The following ANKS1A variants were observed in gnomAD, a reference collection of about 807,000 sequenced individuals.
ANKS1A encodes the protein ankyrin repeat and sterile alpha motif domain containing 1A, also known as ankyrin repeat and SAM domain-containing protein 1A.
ANKS1A carries 55 observed loss-of-function variants against 120.3 expected under a neutral mutation model. That is an observed-to-expected ratio of 0.46 (90% CI 0.37 to 0.57). The LOEUF is 0.57. Among genes scored for constraint, ANKS1A ranks in the 20% least tolerant of loss-of-function variants. The pLI is 0.00. For synonymous variants in ANKS1A, 590 were observed against 604.7 expected (o/e 0.98, Z 0.36); for missense variants, 1,123 against 1,480.3 (o/e 0.76, Z 3.96).
chr6:34,945,362 G>A (rs1378379144), intron 1 of ANKS1A, among the ~76,000 whole-genome samples: 1 of 152,200 alleles, frequency 6.6e-6, no homozygotes, highest in African/African-American at 2.4e-5. Flanking sequence ...ACAGGTGTGA[G>A]CCACCGCACC....
intron 1 of ANKS1A, among the ~76,000 whole-genome samples, chr6:34,923,080 A>T (rs1237197239): frequency 6.6e-6 from 1 of 152,232 alleles, no homozygotes; most frequent in Non-Finnish European, 1.5e-5. Context: ...AGACGTCTAG[A>T]AAGACTACGA....
chr6:34,959,420 C>T (rs1770525627), intron 1 of ANKS1A, among the ~76,000 whole-genome samples: 1 of 151,610 alleles, frequency 6.6e-6, no homozygotes, highest in South Asian at 2.1e-4. Flanking sequence ...ACCCTGGTGG[C>T]CCTGGGCCAA....
intron 1 of ANKS1A, among the ~76,000 whole-genome samples, chr6:34,967,001 A>G (rs1489118043): frequency 1.3e-5 from 2 of 152,218 alleles, no homozygotes; most frequent in Non-Finnish European, 2.9e-5. Flanking sequence ...CAGACTCTTA[A>G]GCGATGACAC....
intron 10 of ANKS1A, among the ~76,000 whole-genome samples, chr6:35,005,294 C>CA (rs1773392262): frequency 6.6e-6 from 1 of 152,052 alleles, no homozygotes; most frequent in Non-Finnish European, 1.5e-5. Context: ...CCATGTTAAG[C>CA]AAAAAACGTG....
At chr6:35,021,002 G>A (rs1365071420) in intron 11 of ANKS1A, among the ~76,000 whole-genome samples, 1 of 152,186 alleles carries the variant, frequency 6.6e-6, no homozygotes, top group Non-Finnish European at 1.5e-5. Context: ...ACATTAACAG[G>A]GCCCTTTATG....
intron 1 of ANKS1A, among the ~76,000 whole-genome samples, chr6:34,899,803 T>G (rs1333081834): frequency 6.6e-6 from 1 of 152,224 alleles, no homozygotes; most frequent in Non-Finnish European, 1.5e-5. Flanking sequence ...CTTCCTCTGA[T>G]CCAGCCTGGT....
intron 13 of ANKS1A, among the ~76,000 whole-genome samples, chr6:35,063,062 C>G (rs1776596359): frequency 6.6e-6 from 1 of 152,196 alleles, no homozygotes; most frequent in Non-Finnish European, 1.5e-5. Context: ...GCAACTTGAA[C>G]TTTATCCACA....
Position 35,018,038 on chromosome 6 carries a change from C to G in ANKS1A, c.1989C>G (p.Ser663=). ...IGKKRLEKSP[S]FASEWDEIEK... is the part of the protein sequence containing the mutation. ...AGAAAAGGCTAGAGAAGTCACCCTCCTTCGCCTCGGAGTGGGATGAGGTAA... is the reference window on the plus strand; with the variant it reads ...AGAAAAGGCTAGAGAAGTCACCCTCGTTCGCCTCGGAGTGGGATGAGGTAA... The change falls in exon 11 of 24, where the codon TCC becomes TCG. Residue 663 remains serine (S), a synonymous_variant. Coordinates refer to ENST00000360359, the MANE Select transcript of ANKS1A (RefSeq NM_015245.3). 1 of 1,613,760 alleles carries G rather than the reference C, an allele frequency of 6.2e-7. No homozygotes were observed. The highest frequency in any genetic ancestry group is 8.5e-7 in the Non-Finnish European group (1 of 1,179,930).
intron 1 of ANKS1A, among the ~76,000 whole-genome samples, chr6:34,955,430 C>A (rs1171357794): frequency 6.6e-6 from 1 of 152,196 alleles, no homozygotes; most frequent in Non-Finnish European, 1.5e-5. Flanking sequence ...AGCCACCACG[C>A]CTGGCCATTT....
intron 10 of ANKS1A, among the ~76,000 whole-genome samples, chr6:34,998,360 G>A (rs1772963104): frequency 6.6e-6 from 1 of 152,148 alleles, no homozygotes; most frequent in Admixed American, 6.5e-5. Context: ...TGTGAGGGTG[G>A]TGAGGGAAGA....
chr6:34,996,209 A>T (rs1772847881), intron 10 of ANKS1A, among the ~76,000 whole-genome samples: 1 of 152,186 alleles, frequency 6.6e-6, no homozygotes, highest in African/African-American at 2.4e-5. Context: ...TTGAGCATTG[A>T]TTAATGTGAT....
At chr6:34,952,103 T>C (rs779557296) in intron 1 of ANKS1A, among the ~76,000 whole-genome samples, 2 of 152,228 alleles carry the variant, frequency 1.3e-5, no homozygotes, top group Non-Finnish European at 2.9e-5. Flanking sequence ...TTAAACCCAA[T>C]GTCACCCTTT....
chr6:35,031,725 T>G (rs1029002326), intron 11 of ANKS1A, among the ~76,000 whole-genome samples: 2 of 152,172 alleles, frequency 1.3e-5, no homozygotes, highest in African/African-American at 4.8e-5. Flanking sequence ...TTATCCTCCC[T>G]TGACTAAAAA....
chr6:34,974,805 T>A (rs990855689), intron 3 of ANKS1A, among the ~76,000 whole-genome samples: 1 of 152,198 alleles, frequency 6.6e-6, no homozygotes, highest in Non-Finnish European at 1.5e-5. Context: ...TAGTAATATT[T>A]GAGATACTAA....
rs1778145189 is a variant in ANKS1A at position 35,088,868 on chromosome 6, G to C, written c.*259G>C. The C allele has an allele frequency of 7.0e-7, 1 of 1,428,058 alleles. No individual in the cohort carries two copies. Among genetic ancestry groups the C allele is most frequent in the Non-Finnish European group, 9.1e-7 (1 of 1,095,464 alleles). The allele number at this position is 1,428,058 out of a possible 1,614,324, so 88.5% of individuals were successfully genotyped here. Reference sequence around the variant, plus strand: ...AGAGGGTCAAGAAGTGACTTGTTCAGAACACATTGTTTTTAACAGAAAAAA... The same window carrying C: ...AGAGGGTCAAGAAGTGACTTGTTCACAACACATTGTTTTTAACAGAAAAAA... On this transcript the variant is annotated 3_prime_UTR_variant, in exon 24 of 24. Transcript: ENST00000360359.
rs114943894 is a variant in ANKS1A at position 34,892,590 on chromosome 6, G to A, written c.197+2991G>A. Among the ~76,000 whole-genome samples the A allele has an allele frequency of 4.9e-3, 744 of 152,278 alleles. 2 individuals are homozygous for A. Among genetic ancestry groups the A allele is most frequent in the Non-Finnish European group, 7.0e-3 (477 of 68,008 alleles). On this transcript the variant is annotated intron_variant, in intron 1 of 23. Transcript: ENST00000360359. ...TCACCTGTTTGTGTTCCCCCATCCC[G>A]TATTCCACAAAGGCTTTGTGTTTAT...
Position 35,044,297 on chromosome 6 carries a change from A to C in ANKS1A, c.2011-9802A>C, listed in dbSNP as rs1423550039. 6.6e-6 allele frequency among the ~76,000 whole-genome samples: 1 copy of C among 152,228 alleles called. No individual in the cohort carries two copies. Among genetic ancestry groups the C allele is most frequent in the East Asian group, 1.9e-4 (1 of 5,202 alleles). On this transcript the variant is annotated intron_variant, in intron 11 of 23. Coordinates refer to ENST00000360359, the MANE Select transcript of ANKS1A (RefSeq NM_015245.3). This position sits in a 1 kb window ranked among gnomAD's most constrained non-coding sequence, Gnocchi z 4.4. ...AGCGGAGGTCAATAACAGGTTTGCC[A>C]GGTAGGTGTCGTTATCCCTGTTACA...
At chr6:34,988,433 A>G (rs924590106) in intron 8 of ANKS1A, among the ~76,000 whole-genome samples, 2 of 152,144 alleles carry the variant, frequency 1.3e-5, no homozygotes, top group South Asian at 2.1e-4. Flanking sequence ...TGTCTCTACT[A>G]AAAATACAAA....
rs1166254182 is a variant in ANKS1A, at chr6:34,889,291, G to C, written c.-112G>C. ...CGTGGGGAAAAGGCAGGGAGGGGGT[G>C]GTGTCCCCAGCCGGTTTGGGGGGTG... On this transcript the variant is annotated 5_prime_UTR_variant, in exon 1 of 24. Coordinates refer to ENST00000360359, the MANE Select transcript of ANKS1A (RefSeq NM_015245.3). This position sits in a 1 kb window ranked among gnomAD's most constrained non-coding sequence, Gnocchi z 5.5. The C allele has an allele frequency of 8.3e-7, 1 of 1,211,166 alleles. No homozygotes were observed. Among genetic ancestry groups the C allele is most frequent in the Non-Finnish European group, 1.0e-6 (1 of 972,952 alleles). 75.0% of individuals were successfully genotyped at this position (1,211,166 alleles called of 1,614,324 possible).
Sources: allele counts gnomAD v4.1 joint callset (sites outside exome capture counted in the v4.1 genomes callset), GRCh38; gene constraint gnomAD v4.1.1; non-coding constraint Gnocchi (gnomAD v3.1); transcripts MANE v1.5; gene names NCBI Gene and HGNC (gene_info 2026-07-23, HGNC 2026-07-21).